The following NFIB variants were observed in gnomAD, a reference collection of about 807,000 sequenced individuals.
NFIB encodes the protein nuclear factor 1 B-type.
Under a neutral mutation model 61.5 loss-of-function variants are expected in NFIB, and 11 were observed. That is an observed-to-expected ratio of 0.18 (90% confidence interval 0.11 to 0.30). The LOEUF is 0.30. Ranked by LOEUF, NFIB falls within the 10% of genes least tolerant of loss-of-function variation. NFIB has a pLI of 1.00. For missense variants in NFIB, 471 were observed against 608.9 expected, an observed-to-expected ratio of 0.77 and a Z score of 2.38; for synonymous variants, 260 against 216.5, an observed-to-expected ratio of 1.20 and a Z score of -1.76.
intron 1 of NFIB, among the ~76,000 whole-genome samples, chr9:14,379,009 G>A (rs995098264): frequency 2.0e-5 from 3 of 152,126 alleles, no homozygotes; most frequent in Non-Finnish European, 2.9e-5. Flanking sequence ...AGAGAGGCAC[G>A]CATTGTTGCT....
At position 14,082,306 on chromosome 9, in the gene NFIB, C is replaced by T. The variant is rs1321448267; in HGVS notation, c.*6003G>A. On this transcript the variant is annotated 3_prime_UTR_variant, in exon 11 of 11. Coordinates refer to ENST00000380953, the MANE Select transcript of NFIB (RefSeq NM_001190737.2). ...AAAATGGATCAACCCTGGTGTGTAGCTAGCAAGCAATAACTGACTACTCGT... is the reference window on the plus strand; with the variant it reads ...AAAATGGATCAACCCTGGTGTGTAGTTAGCAAGCAATAACTGACTACTCGT... The T allele has an allele frequency of 9.7e-6, 2 of 205,688 alleles. No individual in the cohort carries two copies. Among genetic ancestry groups the T allele is most frequent in the East Asian group, 1.5e-4 (2 of 13,520 alleles). The allele number at this position is 205,688 out of a possible 1,614,324, so 12.7% of individuals were successfully genotyped here.
At chr9:14,263,774 A>T (rs1043429923) in intron 2 of NFIB, among the ~76,000 whole-genome samples, 1 of 152,246 alleles carries the variant, frequency 6.6e-6, no homozygotes, top group Non-Finnish European at 1.5e-5. Flanking sequence ...GCAGACAAAT[A>T]AAGTGGCCCA....
rs572183794 is a variant in NFIB, at chr9:14,379,972, C to T, written c.108+18552G>A. On this transcript the variant is annotated intron_variant, in intron 1 of 8. Transcript: ENST00000380934. ...TACTGGGATTACAGGTGTGAGCCACCGCACCCAGTCAGATTTTTTTTTTTT... is the reference window on the plus strand; with the variant it reads ...TACTGGGATTACAGGTGTGAGCCACTGCACCCAGTCAGATTTTTTTTTTTT... 1.6e-4 allele frequency among the ~76,000 whole-genome samples: 24 copies of T among 150,432 alleles called. 1 individual carries two copies. The highest frequency in any genetic ancestry group is 9.7e-4 in the East Asian group (5 of 5,168).
chr9:14,224,957 G>A (rs1009198316), intron 2 of NFIB, among the ~76,000 whole-genome samples: 2 of 151,972 alleles, frequency 1.3e-5, no homozygotes, highest in Non-Finnish European at 1.5e-5. Flanking sequence ...CTTTCTTAGC[G>A]AATTTCCAGT....
chr9:14,211,561 C>T (rs2050306905), intron 2 of NFIB, among the ~76,000 whole-genome samples: 1 of 152,196 alleles, frequency 6.6e-6, no homozygotes, highest in African/African-American at 2.4e-5. Flanking sequence ...TTACTCAAGG[C>T]ACGGAACTGG....
At chr9:14,322,319 G>T in intron 1 of NFIB, 1 of 282,080 alleles carries the variant, frequency 3.5e-6, no homozygotes, top group Non-Finnish European at 6.5e-6. Context: ...GCGCCCGCGT[G>T]TGCGTGTGTG....
chr9:14,221,871 C>A (rs943909473), intron 2 of NFIB, among the ~76,000 whole-genome samples: 1 of 152,202 alleles, frequency 6.6e-6, no homozygotes. Context: ...ACTCTGGTAA[C>A]TATGTCATTT....
upstream of NFIB, among the ~76,000 whole-genome samples, chr9:14,315,121 A>C (rs1412987897): frequency 6.6e-6 from 1 of 151,812 alleles, no homozygotes; most frequent in Non-Finnish European, 1.5e-5. Context: ...ACTTGGGCTC[A>C]AGTAGTTGGG....
chr9:14,241,670 G>C (rs558600902), intron 2 of NFIB, among the ~76,000 whole-genome samples: 8 of 152,140 alleles, frequency 5.3e-5, no homozygotes, highest in Non-Finnish European at 8.8e-5. Context: ...TTTTGGATCA[G>C]GGCCCACAAC....
chr9:14,249,615 A>G (rs1418951959), intron 2 of NFIB, among the ~76,000 whole-genome samples: 1 of 152,082 alleles, frequency 6.6e-6, no homozygotes, highest in Non-Finnish European at 1.5e-5. Flanking sequence ...ATCATTGTGC[A>G]TTCACTGACA....
At chr9:14,256,262 T>C (rs1419800135) in intron 2 of NFIB, among the ~76,000 whole-genome samples, 4 of 152,180 alleles carry the variant, frequency 2.6e-5, no homozygotes, top group Non-Finnish European at 2.9e-5. Context: ...GCCTTAATAA[T>C]CTCAGTTTCA....
At chr9:14,316,308 C>G (rs988058775), upstream of NFIB, among the ~76,000 whole-genome samples, 1 of 152,210 alleles carries the variant, frequency 6.6e-6, no homozygotes, top group Non-Finnish European at 1.5e-5. Flanking sequence ...CCAGCTGCAG[C>G]CCCCGTAAAC....
intron 2 of NFIB, among the ~76,000 whole-genome samples, chr9:14,262,864 G>A (rs1404270878): frequency 2.6e-5 from 4 of 152,060 alleles, no homozygotes; most frequent in Admixed American, 1.3e-4. Context: ...AGATGTAGCT[G>A]TTTCTCTGGT....
At chr9:14,391,391 G>T (rs1297245481) in intron 1 of NFIB, among the ~76,000 whole-genome samples, 3 of 149,222 alleles carry the variant, frequency 2.0e-5, no homozygotes, top group South Asian at 2.1e-4. Context: ...GTGATGATCA[G>T]GTGGTTCTTA....
At chr9:14,383,394 A>T (rs951292567) in intron 1 of NFIB, among the ~76,000 whole-genome samples, 10 of 152,214 alleles carry the variant, frequency 6.6e-5, no homozygotes, top group African/African-American at 2.4e-4. Context: ...GGAAGGAGGT[A>T]TTCTAGAATT....
At chr9:14,481,195 G>GTATATATATATA in the NFIB span, among the ~76,000 whole-genome samples, 8 of 35,066 alleles carry the variant, frequency 2.3e-4, no homozygotes, top group African/African-American at 6.5e-4. Context: ...GTGTGTGTGT[G>GTATATATATATA]TGTATATATA....
At chr9:14,305,205 T>C (rs768465479) in intron 2 of NFIB, among the ~76,000 whole-genome samples, 17 of 152,188 alleles carry the variant, frequency 1.1e-4, no homozygotes, top group Non-Finnish European at 2.4e-4. Context: ...GAGAGCTGGC[T>C]GCCTTCCCCA....
the NFIB span, among the ~76,000 whole-genome samples, chr9:14,490,773 C>T: frequency 6.6e-6 from 1 of 152,158 alleles, no homozygotes; most frequent in East Asian, 1.9e-4. Flanking sequence ...CCAACGCTAC[C>T]ACGCACTGGC....
the NFIB span, among the ~76,000 whole-genome samples, chr9:14,480,463 T>G: frequency 2.0e-5 from 3 of 150,736 alleles, no homozygotes; most frequent in Non-Finnish European, 4.5e-5. Flanking sequence ...AAAAGTTAAG[T>G]GAAGTGCCCC....
Sources: gnomAD v4.1 joint callset for allele counts (sites outside exome capture counted in the v4.1 genomes callset) on GRCh38, gnomAD v4.1.1 for gene constraint, MANE v1.5 for transcripts, NCBI Gene and HGNC (gene_info 2026-07-23, HGNC 2026-07-21) for gene names.